PKHD1L1: variants seen among roughly 807,000 people sequenced by gnomAD.
PKHD1L1 encodes the protein fibrocystin-L.
In PKHD1L1, 434 loss-of-function variants were observed where a neutral mutation model predicts 462.9. That is an observed-to-expected ratio of 0.94 (90% CI 0.87 to 1.02). PKHD1L1 has a LOEUF of 1.02. PKHD1L1 is among the 50% of genes least tolerant of loss of function. PKHD1L1 has a pLI of 0.00. For missense variants in PKHD1L1, 5,202 were observed against 5,096.1 expected, an observed-to-expected ratio of 1.02 and a Z score of -0.63; for synonymous variants, 1,781 against 1,750.0, an observed-to-expected ratio of 1.02 and a Z score of -0.44.
Position 109,463,571 on chromosome 8 carries a change from T to TAC in PKHD1L1, c.7384-633_7384-632dup, listed in dbSNP as rs3058255. Among the ~76,000 whole-genome samples the TAC allele has an allele frequency of 6.6e-3, 1,005 of 151,652 alleles. 14 individuals are homozygous for TAC. The highest frequency in any genetic ancestry group is 0.023 in the African/African-American group (962 of 41,432). On this transcript the variant is annotated intron_variant, in intron 48 of 77. Transcript: ENST00000378402. ...GCTCACATGCATGCACACACGCACA[T>TAC]ACACACACACACAGACACACTGGTA...
At chr8:109,382,334 A>G (rs1812165869) in intron 3 of PKHD1L1, 129 bp from the exon 4 acceptor site, 1 of 612,510 alleles carries the variant, frequency 1.6e-6, no homozygotes, top group South Asian at 3.2e-5. Context: ...ACTTAACTAG[A>G]CATCAGTTAC....
intron 65 of PKHD1L1, 111 bp downstream of exon 65, chr8:109,497,383 A>C (rs917759015): frequency 8.0e-7 from 1 of 1,252,596 alleles, no homozygotes; most frequent in East Asian, 2.5e-5. Flanking sequence ...TGTCTCGCCC[A>C]CACCTCCCTG....
At chr8:109,400,479 C>T in intron 13 of PKHD1L1, 135 bp downstream of exon 13, 1 of 1,066,158 alleles carries the variant, frequency 9.4e-7, no homozygotes. Context: ...TGGCTCTTGG[C>T]TATTATCCTG....
rs1333687438 is a variant in PKHD1L1, at chr8:109,396,203, G to C, written c.922+66G>C. On this transcript the variant is annotated intron_variant, in intron 11 of 77. Coordinates refer to ENST00000378402, the MANE Select transcript of PKHD1L1 (RefSeq NM_177531.6). ...AATTCTGCCTGCTCTTTAATAATTT[G>C]TAATAATAATAATAGTCTTTTCTCA... is the stretch of plus-strand genomic sequence containing the variant. 2.8e-6 allele frequency: 3 copies of C among 1,086,908 alleles called. No homozygotes were observed. In the Admixed American group the frequency reaches 6.3e-5, roughly 23 times the overall value. The allele number at this position is 1,086,908 out of a possible 1,614,324, so 67.3% of individuals were successfully genotyped here.
rs971262783 is a variant in PKHD1L1 at position 109,406,603 on chromosome 8, G to GT, written c.1813+131dup. ...TCTTAGGAGAAGCAGAAATTAAATG[G>GT]TTTTTTCTACGGTAATTTAAATTTT... On this transcript the variant is annotated intron_variant, in intron 17 of 77. Transcript: ENST00000378402. The GT allele has an allele frequency of 1.9e-5, 21 of 1,133,304 alleles. No individual in the cohort carries two copies. The Admixed American group carries it at 2.8e-4, about 15-fold the overall frequency. 70.2% of individuals were successfully genotyped at this position (1,133,304 alleles called of 1,614,324 possible).
intron 38 of PKHD1L1, 22 bp downstream of exon 38, chr8:109,445,667 T>G (rs367910915): frequency 1.3e-6 from 2 of 1,547,346 alleles, no homozygotes; most frequent in African/African-American, 2.7e-5. Flanking sequence ...TCTGCCTTAT[T>G]ATCTTGATAT....
intron 70 of PKHD1L1, among the ~76,000 whole-genome samples, chr8:109,509,024 G>A (rs1482553105): frequency 1.3e-5 from 2 of 152,154 alleles, no homozygotes; most frequent in Non-Finnish European, 2.9e-5. Flanking sequence ...TCTTTCATGT[G>A]CTGAAAGTGT....
intron 71 of PKHD1L1, among the ~76,000 whole-genome samples, chr8:109,511,717 G>A (rs1332587312): frequency 6.6e-6 from 1 of 152,124 alleles, no homozygotes; most frequent in African/African-American, 2.4e-5. Context: ...CCCAGTAATG[G>A]GATGGCTGGG....
intron 21 of PKHD1L1, among the ~76,000 whole-genome samples, chr8:109,414,794 CAAT>C (rs924514392): frequency 6.6e-6 from 1 of 151,568 alleles, no homozygotes; most frequent in African/African-American, 2.4e-5. Context: ...CAAATGTTGA[CAAT>C]AAACAAAACA....
intron 33 of PKHD1L1, 113 bp downstream of exon 33, chr8:109,440,965 A>G (rs555736753): frequency 1.6e-6 from 2 of 1,286,446 alleles, no homozygotes; most frequent in South Asian, 1.7e-5. Context: ...TTTTTCTAGT[A>G]GCATAAAAAA....
intron 23 of PKHD1L1, among the ~76,000 whole-genome samples, chr8:109,423,735 T>C (rs913645916): frequency 2.0e-5 from 3 of 152,154 alleles, no homozygotes; most frequent in African/African-American, 7.2e-5. Context: ...CATTGTGATA[T>C]TGAGTCTTCC....
chr8:109,449,762 C>T (rs1436459712), intron 40 of PKHD1L1, among the ~76,000 whole-genome samples: 4 of 152,110 alleles, frequency 2.6e-5, no homozygotes, highest in Non-Finnish European at 5.9e-5. Context: ...AAATGGAGAA[C>T]ACATTTTTAG....
At chr8:109,430,082 A>G in intron 27 of PKHD1L1, 45 bp downstream of exon 27, 1 of 1,247,674 alleles carries the variant, frequency 8.0e-7, no homozygotes, top group Non-Finnish European at 1.1e-6. Context: ...AAAGATAATC[A>G]GCAAAATGTA....
At chr8:109,366,516 G>C (rs1811238662) in intron 2 of PKHD1L1, among the ~76,000 whole-genome samples, 1 of 152,130 alleles carries the variant, frequency 6.6e-6, no homozygotes, top group African/African-American at 2.4e-5. Context: ...ATAAATCCTA[G>C]AGATCTACTG....
At chr8:109,509,203 G>A (rs1311968424) in intron 70 of PKHD1L1, among the ~76,000 whole-genome samples, 2 of 152,006 alleles carry the variant, frequency 1.3e-5, no homozygotes, top group Non-Finnish European at 2.9e-5. Flanking sequence ...TGCTATGCCT[G>A]GTTTCTGTGA....
intron 8 of PKHD1L1, 69 bp downstream of exon 8, chr8:109,389,221 C>A: frequency 8.3e-7 from 1 of 1,210,398 alleles, no homozygotes; most frequent in South Asian, 1.3e-5. Flanking sequence ...TTTGTATTCT[C>A]CTAGACCTCC....
At chr8:109,479,174 A>G (rs1380031926) in intron 53 of PKHD1L1, among the ~76,000 whole-genome samples, 1 of 152,176 alleles carries the variant, frequency 6.6e-6, no homozygotes, top group African/African-American at 2.4e-5. Context: ...TCTAGAAGGC[A>G]TAGTGATGAA....
At chr8:109,529,680 C>G (rs1820980036) in intron 77 of PKHD1L1, among the ~76,000 whole-genome samples, 1 of 151,024 alleles carries the variant, frequency 6.6e-6, no homozygotes, top group South Asian at 2.1e-4. Flanking sequence ...ATGGCTTCTT[C>G]TTTGCTACTA....
chr8:109,491,072 AC>A lies in PKHD1L1; in HGVS notation c.10086del (p.Asp3362GlufsTer12). On this transcript the variant is annotated frameshift_variant, in exon 61 of 78. Transcript: ENST00000378402. LOFTEE classifies it high-confidence loss of function. ...VFGTDGLDID[D>X]NIIHFTVGEG... ...GGGACAGATGGATTGGACATAGATG[AC>A]AACATCATTCACTTTACAGTGGGGG... 1 of 1,609,408 alleles carries A rather than the reference AC, an allele frequency of 6.2e-7. No individual in the cohort carries two copies. The highest frequency in any genetic ancestry group is 8.5e-7 in the Non-Finnish European group (1 of 1,176,716).
Sources: gnomAD v4.1 joint callset for allele counts (sites outside exome capture counted in the v4.1 genomes callset) on GRCh38, gnomAD v4.1.1 for gene constraint, MANE v1.5 for transcripts, NCBI Gene and HGNC (gene_info 2026-07-23, HGNC 2026-07-21) for gene names.